Variants in FYN observed in about 807,000 individuals in gnomAD.
FYN encodes FYN proto-oncogene, Src family tyrosine kinase, also known as tyrosine-protein kinase Fyn.
FYN carries 10 observed loss-of-function variants against 70.2 expected under a neutral mutation model. The observed-to-expected ratio is 0.14, with a 90% confidence interval of 0.09 to 0.24. FYN has a LOEUF of 0.24. Ranked by LOEUF, FYN falls within the 10% of genes least tolerant of loss-of-function variation. The probability of loss-of-function intolerance (pLI) is 1.00; values close to 1 mark genes in which losing one functional copy is unlikely to be tolerated. For synonymous variants in FYN, 236 were observed against 248.6 expected (o/e 0.95, Z 0.48); for missense variants, 319 against 673.1 (o/e 0.47, Z 5.82).
chr6:111,670,542 T>G (rs1277563686), intron 13 of FYN, among the ~76,000 whole-genome samples: 4 of 151,650 alleles, frequency 2.6e-5, no homozygotes, highest in African/African-American at 9.8e-5. Flanking sequence ...TTCACTGCTG[T>G]ATTCTTGGTG....
At chr6:111,761,158 T>G (rs946794637) in intron 3 of FYN, among the ~76,000 whole-genome samples, 2 of 152,164 alleles carry the variant, frequency 1.3e-5, no homozygotes, top group Non-Finnish European at 1.5e-5. Flanking sequence ...AAAAGGACAC[T>G]AGCACTTGGT....
chr6:111,727,043 G>C (rs965994501), intron 3 of FYN, among the ~76,000 whole-genome samples: 1 of 152,102 alleles, frequency 6.6e-6, no homozygotes, highest in Non-Finnish European at 1.5e-5. Context: ...TAAATTACCC[G>C]GTCTCAGGTA....
At chr6:111,810,288 A>C (rs1772282960) in intron 2 of FYN, among the ~76,000 whole-genome samples, 1 of 152,206 alleles carries the variant, frequency 6.6e-6, no homozygotes, top group South Asian at 2.1e-4. Flanking sequence ...TTTGGCTGTC[A>C]CTGGAATGGG....
At chr6:111,855,351 T>C (rs1773797831) in intron 1 of FYN, among the ~76,000 whole-genome samples, 1 of 152,178 alleles carries the variant, frequency 6.6e-6, no homozygotes, top group African/African-American at 2.4e-5. Context: ...AATACAAATT[T>C]TGTGATGCTA....
intron 3 of FYN, among the ~76,000 whole-genome samples, chr6:111,773,319 AG>A (rs1359901838): frequency 2.1e-5 from 1 of 47,488 alleles, no homozygotes. Context: ...GAAAGAGGGG[AG>A]GGGGAGGGAG....
chr6:111,773,628 G>C (rs1355370204), intron 3 of FYN, among the ~76,000 whole-genome samples: 6 of 75,060 alleles, frequency 8.0e-5, no homozygotes, highest in Middle Eastern at 7.0e-3. Context: ...GAGGGGGAAA[G>C]GAGAGGGGGA....
At chr6:111,831,937 G>T (rs1773029617) in intron 2 of FYN, among the ~76,000 whole-genome samples, 1 of 152,172 alleles carries the variant, frequency 6.6e-6, no homozygotes. Flanking sequence ...TAATACAACT[G>T]TCTGAGTGAA....
intron 3 of FYN, among the ~76,000 whole-genome samples, chr6:111,764,249 AAAG>A (rs1803133222): frequency 1.3e-5 from 2 of 149,572 alleles, no homozygotes; most frequent in Non-Finnish European, 3.0e-5. Flanking sequence ...AAAAAAAAAG[AAAG>A]AAAGAAAAAA....
At chr6:111,782,522 T>C (rs907912006) in intron 2 of FYN, among the ~76,000 whole-genome samples, 1 of 152,172 alleles carries the variant, frequency 6.6e-6, no homozygotes, top group Non-Finnish European at 1.5e-5. Context: ...CAATGTTGTC[T>C]TGTTTAATAC....
intron 9 of FYN, chr6:111,696,704 G>T: frequency 2.7e-6 from 1 of 365,536 alleles, no homozygotes; most frequent in Non-Finnish European, 4.9e-6. Flanking sequence ...TTTAAATTTT[G>T]ATATATTACC....
At chr6:111,812,682 A>C (rs941854143) in intron 2 of FYN, among the ~76,000 whole-genome samples, 5 of 147,906 alleles carry the variant, frequency 3.4e-5, no homozygotes, top group Non-Finnish European at 4.4e-5. Flanking sequence ...TGAAGGTCAA[A>C]GAGCAGGTCA....
At chr6:111,812,680 A>G (rs1038677977) in intron 2 of FYN, among the ~76,000 whole-genome samples, 1 of 148,616 alleles carries the variant, frequency 6.7e-6, no homozygotes, top group Non-Finnish European at 1.5e-5. Context: ...CCTGAAGGTC[A>G]AAGAGCAGGT....
chr6:111,757,755 T>C (rs145288532), intron 3 of FYN, among the ~76,000 whole-genome samples: 106 of 152,314 alleles, frequency 7.0e-4, no homozygotes, highest in African/African-American at 2.5e-3. Context: ...TCTGTTGAAA[T>C]TTCACTACAA....
intron 3 of FYN, among the ~76,000 whole-genome samples, chr6:111,762,542 T>C (rs1340641374): frequency 6.6e-6 from 1 of 152,136 alleles, no homozygotes; most frequent in Non-Finnish European, 1.5e-5. Context: ...CAGACTCTTA[T>C]AGCAATATGA....
intron 1 of FYN, among the ~76,000 whole-genome samples, chr6:111,866,141 C>T (rs1356149380): frequency 1.3e-5 from 2 of 152,174 alleles, no homozygotes; most frequent in African/African-American, 4.8e-5. Flanking sequence ...AAACACATAG[C>T]TTTTCCTATG....
intron 12 of FYN, among the ~76,000 whole-genome samples, chr6:111,675,373 T>C (rs920850843): frequency 2.6e-5 from 4 of 152,212 alleles, no homozygotes; most frequent in African/African-American, 7.2e-5. Context: ...TGCAAATTCA[T>C]GTCAAAGTCA....
At chr6:111,848,993 C>T (rs987301820) in intron 1 of FYN, among the ~76,000 whole-genome samples, 3 of 152,150 alleles carry the variant, frequency 2.0e-5, no homozygotes, top group Non-Finnish European at 4.4e-5. Context: ...CCCACGCCCA[C>T]CCCCGTGTGT....
chr6:111,810,514 C>T (rs1176249159), intron 2 of FYN, among the ~76,000 whole-genome samples: 1 of 152,162 alleles, frequency 6.6e-6, no homozygotes, highest in African/African-American at 2.4e-5. Flanking sequence ...TTTAGTTCGG[C>T]CCTGTTTCAT....
At chr6:111,813,545 T>C (rs72942197) in intron 2 of FYN, among the ~76,000 whole-genome samples, 110 of 152,338 alleles carry the variant, frequency 7.2e-4, no homozygotes, top group Non-Finnish European at 1.3e-3. Context: ...TTATTGGAAT[T>C]TGCTTGGAAG....
Sources: allele counts gnomAD v4.1 joint callset (sites outside exome capture counted in the v4.1 genomes callset), GRCh38; gene constraint gnomAD v4.1.1; transcripts MANE v1.5; gene names NCBI Gene and HGNC (gene_info 2026-07-23, HGNC 2026-07-21).